The following LRMDA variants were observed in gnomAD, a reference collection of about 807,000 sequenced individuals.
LRMDA encodes the protein leucine-rich melanocyte differentiation-associated protein.
Under a neutral mutation model 29.8 loss-of-function variants are expected in LRMDA, and 18 were observed. That is an observed-to-expected ratio of 0.60 (90% CI 0.42 to 0.90). The LOEUF (loss-of-function observed/expected upper bound fraction) is 0.90, where lower values mean the gene tolerates loss of function less well. LRMDA is among the 40% of genes least tolerant of loss of function. The probability of loss-of-function intolerance (pLI) is 0.00; values close to 1 mark genes in which losing one functional copy is unlikely to be tolerated. For missense variants in LRMDA, 273 were observed against 273.9 expected, an observed-to-expected ratio of 1.00 and a Z score of 0.02; for synonymous variants, 125 against 109.4, an observed-to-expected ratio of 1.14 and a Z score of -0.89.
At chr10:76,495,415 A>T (rs1842872342) in intron 6 of LRMDA, among the ~76,000 whole-genome samples, 1 of 151,866 alleles carries the variant, frequency 6.6e-6, no homozygotes, top group Admixed American at 6.6e-5. Context: ...ATTATTAGAC[A>T]TATATAATAA....
rs1035444113 is a variant in LRMDA at position 76,517,526 on chromosome 10, G to T, written c.602-39683G>T. 3.3e-5 allele frequency among the ~76,000 whole-genome samples: 5 copies of T among 152,050 alleles called. No homozygotes were observed. In the South Asian group the frequency reaches 1.0e-3, roughly 32 times the overall value. ...TCTCTCAAGAAGGAGTGCAAAATAA[G>T]AAATATTGGTATGGACAAAATGGAA... On this transcript the variant is annotated intron_variant, in intron 6 of 6. Transcript: ENST00000611255.
At chr10:75,528,403 T>C (rs1845438448) in intron 2 of LRMDA, among the ~76,000 whole-genome samples, 1 of 152,194 alleles carries the variant, frequency 6.6e-6, no homozygotes, top group African/African-American at 2.4e-5. Flanking sequence ...CAACTAGTAA[T>C]TGAACATGCA....
chr10:76,215,036 C>T (rs964740151), intron 5 of LRMDA, among the ~76,000 whole-genome samples: 1 of 152,164 alleles, frequency 6.6e-6, no homozygotes, highest in Admixed American at 6.5e-5. Context: ...TCTTCAGAAA[C>T]CAAATTCCGA....
intron 5 of LRMDA, among the ~76,000 whole-genome samples, chr10:76,293,227 CA>C (rs1251515343): frequency 1.3e-5 from 2 of 152,186 alleles, no homozygotes; most frequent in Non-Finnish European, 2.9e-5. Context: ...GTGATCTGCC[CA>C]CCTCGGCCTC....
At chr10:75,437,366 G>A (rs775270096) in intron 1 of LRMDA, among the ~76,000 whole-genome samples, 2 of 152,218 alleles carry the variant, frequency 1.3e-5, no homozygotes, top group Non-Finnish European at 2.9e-5. Flanking sequence ...TTGTCTATAT[G>A]TGTGGAAGAA....
chr10:76,044,944 T>TC (rs933806680), intron 3 of LRMDA, among the ~76,000 whole-genome samples: 3 of 151,690 alleles, frequency 2.0e-5, no homozygotes, highest in Non-Finnish European at 2.9e-5. Context: ...CTTGTTAGTT[T>TC]CCCCCTCTTG....
chr10:76,493,974 AT>A (rs2132337935), intron 6 of LRMDA, among the ~76,000 whole-genome samples: 1 of 152,010 alleles, frequency 6.6e-6, no homozygotes, highest in South Asian at 2.1e-4. Flanking sequence ...CTGACAGTTT[AT>A]TGCTTTTATA....
At chr10:75,765,831 G>T (rs1843157219) in intron 2 of LRMDA, among the ~76,000 whole-genome samples, 1 of 143,926 alleles carries the variant, frequency 6.9e-6, no homozygotes, top group Non-Finnish European at 1.5e-5. Context: ...TCCAGCCGCT[G>T]GGGTGCCCAC....
chr10:75,835,544 C>A (rs1017853415), intron 2 of LRMDA, among the ~76,000 whole-genome samples: 1 of 152,152 alleles, frequency 6.6e-6, no homozygotes, highest in Non-Finnish European at 1.5e-5. Flanking sequence ...CCTACCATAT[C>A]GCTATTATTT....
At chr10:75,695,682 CTG>C (rs1842225010) in intron 2 of LRMDA, among the ~76,000 whole-genome samples, 1 of 152,182 alleles carries the variant, frequency 6.6e-6, no homozygotes, top group Admixed American at 6.5e-5. Flanking sequence ...GGCAAAGTCT[CTG>C]TGTCTTAGCC....
chr10:75,676,319 C>T (rs1841959355), intron 2 of LRMDA, among the ~76,000 whole-genome samples: 1 of 152,220 alleles, frequency 6.6e-6, no homozygotes, highest in Admixed American at 6.5e-5. Context: ...TGACTGGAAG[C>T]TGAACGAGAT....
chr10:75,588,337 G>A (rs1840680481), intron 2 of LRMDA, among the ~76,000 whole-genome samples: 1 of 152,224 alleles, frequency 6.6e-6, no homozygotes, highest in Admixed American at 6.5e-5. Context: ...CCTCCAGAAA[G>A]TGAAGGAATG....
intron 5 of LRMDA, among the ~76,000 whole-genome samples, chr10:76,134,996 A>C (rs1297485496): frequency 2.0e-5 from 3 of 152,236 alleles, no homozygotes; most frequent in Non-Finnish European, 4.4e-5. Flanking sequence ...AAATTTAAAA[A>C]CAGTATTTTG....
At chr10:76,318,158 T>C (rs1840723737) in intron 5 of LRMDA, among the ~76,000 whole-genome samples, 2 of 152,254 alleles carry the variant, frequency 1.3e-5, no homozygotes, top group Admixed American at 1.3e-4. Context: ...AGATGATTTG[T>C]AAGATCTTTA....
At chr10:75,532,035 C>T (rs1377010225) in intron 2 of LRMDA, among the ~76,000 whole-genome samples, 1 of 124,700 alleles carries the variant, frequency 8.0e-6, no homozygotes, top group Non-Finnish European at 1.6e-5. Flanking sequence ...TAAGGGAAGA[C>T]TCTACCTCAA....
intron 5 of LRMDA, among the ~76,000 whole-genome samples, chr10:76,082,894 T>C (rs924671867): frequency 6.6e-6 from 1 of 152,194 alleles, no homozygotes. Context: ...TTTTCATTAA[T>C]GTATTATTTG....
chr10:76,533,468 G>A (rs980760082), intron 6 of LRMDA, among the ~76,000 whole-genome samples: 35 of 152,102 alleles, frequency 2.3e-4, no homozygotes, highest in African/African-American at 8.0e-4. Flanking sequence ...AATTGTTGCT[G>A]GTTTCTTTTG....
At chr10:75,928,018 A>C (rs1363768123) in intron 2 of LRMDA, among the ~76,000 whole-genome samples, 1 of 152,118 alleles carries the variant, frequency 6.6e-6, no homozygotes, top group East Asian at 1.9e-4. Flanking sequence ...TGTATGTGAT[A>C]ACCACTCAGT....
chr10:76,448,428 A>G (rs1176386746), intron 6 of LRMDA, among the ~76,000 whole-genome samples: 3 of 152,140 alleles, frequency 2.0e-5, no homozygotes, highest in Admixed American at 2.0e-4. Flanking sequence ...TTTGTAAGGC[A>G]CTTGATACAT....
Sources: gnomAD v4.1 joint callset for allele counts (sites outside exome capture counted in the v4.1 genomes callset) on GRCh38, gnomAD v4.1.1 for gene constraint, MANE v1.5 for transcripts, NCBI Gene and HGNC (gene_info 2026-07-23, HGNC 2026-07-21) for gene names.